The following TAFA1 variants were observed in gnomAD, a reference collection of about 807,000 sequenced individuals.
The protein encoded by TAFA1 is chemokine-like protein TAFA-1.
TAFA1 carries 4 observed loss-of-function variants against 18.5 expected under a neutral mutation model. The observed-to-expected ratio is 0.22, with a 90% CI of 0.11 to 0.49. The LOEUF is 0.49. Ranked by LOEUF, TAFA1 falls within the 20% of genes least tolerant of loss-of-function variation. The pLI, the probability that TAFA1 is intolerant of heterozygous loss-of-function variation, is 0.98. For synonymous variants in TAFA1, 56 were observed against 55.2 expected, an observed-to-expected ratio of 1.01 and a Z score of -0.06; for missense variants, 147 against 169.0, an observed-to-expected ratio of 0.87 and a Z score of 0.72.
At chr3:68,124,196 G>A (rs747734569) in intron 2 of TAFA1, among the ~76,000 whole-genome samples, 1 of 152,182 alleles carries the variant, frequency 6.6e-6, no homozygotes, top group African/African-American at 2.4e-5. Flanking sequence ...TGTAAGCCTT[G>A]TCACTCGATG....
rs1372167104 is a variant in TAFA1 at position 68,303,207 on chromosome 3, G to T, written c.119-114073G>T. On this transcript the variant is annotated intron_variant, in intron 2 of 4. Coordinates refer to ENST00000478136, the MANE Select transcript of TAFA1 (RefSeq NM_213609.4). ...TATTTCCAGATTTCCATGTTACCCT[G>T]TCAAGGACAAACATTTGTCTTCTAG... is the stretch of plus-strand genomic sequence containing the variant. Among the ~76,000 whole-genome samples the T allele has an allele frequency of 2.0e-5, 3 of 152,110 alleles. No individual in the cohort carries two copies. In the South Asian group the frequency reaches 6.2e-4, roughly 32 times the overall value.
intron 2 of TAFA1, among the ~76,000 whole-genome samples, chr3:68,151,853 A>G (rs1027663600): frequency 6.6e-6 from 1 of 152,220 alleles, no homozygotes; most frequent in African/African-American, 2.4e-5. Context: ...ACCAAAACTT[A>G]TACATTCTAT....
At chr3:68,434,481 A>G (rs898397357) in intron 3 of TAFA1, among the ~76,000 whole-genome samples, 1 of 152,098 alleles carries the variant, frequency 6.6e-6, no homozygotes, top group African/African-American at 2.4e-5. Context: ...TTTACAGTAC[A>G]TTGAAGAGCT....
At chr3:68,409,796 G>T (rs1330418666) in intron 2 of TAFA1, among the ~76,000 whole-genome samples, 1 of 152,064 alleles carries the variant, frequency 6.6e-6, no homozygotes, top group Non-Finnish European at 1.5e-5. Flanking sequence ...TGATCCAGTT[G>T]GTTGGTATGA....
At chr3:68,535,805 T>G (rs2106783924) in intron 3 of TAFA1, among the ~76,000 whole-genome samples, 1 of 152,214 alleles carries the variant, frequency 6.6e-6, no homozygotes. Flanking sequence ...CTGGCCATAG[T>G]TAAAAGCAGG....
intron 2 of TAFA1, among the ~76,000 whole-genome samples, chr3:68,240,805 C>G (rs777430185): frequency 3.8e-4 from 58 of 152,150 alleles, no homozygotes; most frequent in Non-Finnish European, 2.6e-4. Flanking sequence ...CATGTATATT[C>G]CTTTACTGAT....
At chr3:68,120,227 T>C (rs1425957520) in intron 2 of TAFA1, among the ~76,000 whole-genome samples, 1 of 138,312 alleles carries the variant, frequency 7.2e-6, no homozygotes, top group Admixed American at 7.5e-5. Flanking sequence ...CTTTCTTTCT[T>C]TCTTTCTTTC....
At chr3:68,170,088 GA>G (rs944609333) in intron 2 of TAFA1, among the ~76,000 whole-genome samples, 1 of 152,134 alleles carries the variant, frequency 6.6e-6, no homozygotes, top group Admixed American at 6.5e-5. Context: ...CACTTATTCA[GA>G]AAAAACATAA....
intron 2 of TAFA1, among the ~76,000 whole-genome samples, chr3:68,107,176 TA>T (rs1318790862): frequency 6.6e-6 from 1 of 152,018 alleles, no homozygotes; most frequent in African/African-American, 2.4e-5. Context: ...AGAGTAGGAG[TA>T]TTTACACTGC....
At chr3:68,095,139 G>A (rs1180022890) in intron 2 of TAFA1, among the ~76,000 whole-genome samples, 1 of 152,034 alleles carries the variant, frequency 6.6e-6, no homozygotes, top group African/African-American at 2.4e-5. Flanking sequence ...TCCAAAGTGG[G>A]TTTACAGCTC....
chr3:68,527,870 A>G (rs1419643134), intron 3 of TAFA1, among the ~76,000 whole-genome samples: 1 of 151,924 alleles, frequency 6.6e-6, no homozygotes, highest in Non-Finnish European at 1.5e-5. Context: ...CAATCCTCCC[A>G]TTTCACAATC....
intron 2 of TAFA1, among the ~76,000 whole-genome samples, chr3:68,032,637 G>C (rs776263369): frequency 6.6e-6 from 1 of 152,008 alleles, no homozygotes; most frequent in Admixed American, 6.6e-5. Flanking sequence ...CCCACTGCCT[G>C]GTTCCACTTC....
Position 68,545,466 on chromosome 3 carries a change from A to G in TAFA1, c.*963A>G, listed in dbSNP as rs749779441. On this transcript the variant is annotated 3_prime_UTR_variant, in exon 5 of 5. Coordinates refer to ENST00000478136, the MANE Select transcript of TAFA1 (RefSeq NM_213609.4). ...TAGTGCTGTAGCAACAAGTCTTATC[A>G]TGGCATCTCTTTCTATGTTTGGTTT... 1 of 152,600 alleles carries G rather than the reference A, an allele frequency of 6.6e-6. No homozygotes were observed. Among genetic ancestry groups the G allele is most frequent in the African/African-American group, 2.4e-5 (1 of 41,464 alleles). The allele number at this position is 152,600 out of a possible 1,614,324, so 9.5% of individuals were successfully genotyped here. A position where few individuals can be genotyped will look rare whatever the true frequency, so the allele number is the denominator to read the frequency against.
chr3:68,257,858 A>T (rs1040008712), intron 2 of TAFA1, among the ~76,000 whole-genome samples: 8 of 152,150 alleles, frequency 5.3e-5, no homozygotes, highest in African/African-American at 1.9e-4. Context: ...TCCAATGATA[A>T]GTTATCATGT....
chr3:68,463,701 T>C (rs1385856652), intron 3 of TAFA1, among the ~76,000 whole-genome samples: 1 of 152,172 alleles, frequency 6.6e-6, no homozygotes, highest in Non-Finnish European at 1.5e-5. Context: ...TGCTAGTTGA[T>C]GTTGGGTGTC....
chr3:68,469,996 C>T (rs1481930752), intron 3 of TAFA1, among the ~76,000 whole-genome samples: 3 of 152,116 alleles, frequency 2.0e-5, no homozygotes, highest in Non-Finnish European at 4.4e-5. Context: ...GGCTGTGTCC[C>T]CATCCAAATC....
intron 3 of TAFA1, among the ~76,000 whole-genome samples, chr3:68,510,114 C>G (rs2072823298): frequency 2.0e-5 from 3 of 152,042 alleles, no homozygotes. Flanking sequence ...AAAGCCTCAT[C>G]CCTCTCCCTG....
At chr3:68,182,301 A>T (rs148335632) in intron 2 of TAFA1, among the ~76,000 whole-genome samples, 1 of 152,328 alleles carries the variant, frequency 6.6e-6, no homozygotes, top group African/African-American at 2.4e-5. Context: ...AAAATTGGAT[A>T]CTATTCATTT....
intron 2 of TAFA1, among the ~76,000 whole-genome samples, chr3:68,253,477 G>C (rs970629994): frequency 1.2e-4 from 19 of 152,126 alleles, no homozygotes; most frequent in African/African-American, 4.6e-4. Context: ...TATAGATATT[G>C]TTTCTCACTT....
Sources: gnomAD v4.1 joint callset for allele counts (sites outside exome capture counted in the v4.1 genomes callset) on GRCh38, gnomAD v4.1.1 for gene constraint, MANE v1.5 for transcripts, NCBI Gene and HGNC (gene_info 2026-07-23, HGNC 2026-07-21) for gene names.